DNAH7: variants seen among roughly 807,000 people sequenced by gnomAD.
The protein encoded by DNAH7 is dynein axonemal heavy chain 7.
DNAH7 carries 397 observed loss-of-function variants against 444.6 expected under a neutral mutation model. The observed-to-expected ratio is 0.89, with a 90% CI of 0.82 to 0.97. DNAH7 has a LOEUF of 0.97. Among genes scored for constraint, DNAH7 ranks in the 50% least tolerant of loss-of-function variants. DNAH7 has a pLI of 0.00. For missense variants in DNAH7, 4,902 were observed against 4,800.8 expected (o/e 1.02, Z -0.62); for synonymous variants, 1,636 against 1,624.4 (o/e 1.01, Z -0.17).
chr2:195,822,094 G>T (rs972729799), intron 49 of DNAH7, among the ~76,000 whole-genome samples: 1 of 152,096 alleles, frequency 6.6e-6, no homozygotes, highest in African/African-American at 2.4e-5. Context: ...TATGAGATAA[G>T]CAATTTTTAA....
At chr2:195,859,069 GAATA>G (rs990448330) in intron 42 of DNAH7, among the ~76,000 whole-genome samples, 15 of 152,128 alleles carry the variant, frequency 9.9e-5, no homozygotes, top group Non-Finnish European at 1.9e-4. Flanking sequence ...AAATTCAAAA[GAATA>G]AATACACTGG....
In DNAH7 at chr2:195,855,878, T is replaced by A; in HGVS notation, c.8528A>T (p.Asp2843Val). 6.2e-7 allele frequency: 1 copy of A among 1,614,112 alleles called. No individual in the cohort carries two copies. Among genetic ancestry groups the A allele is most frequent in the Non-Finnish European group, 8.5e-7 (1 of 1,179,968 alleles). Reference sequence around the variant, plus strand: ...TGTGTCTTGAAGCCTGGCCAGCTTGTCCTGAACTTCCTTAAGGGCTGCCTG... The same window carrying A: ...TGTGTCTTGAAGCCTGGCCAGCTTGACCTGAACTTCCTTAAGGGCTGCCTG... ...KKQAALKEVQ[D>V]KLARLQDTLE... Residue 2843 changes from aspartate (D) to valine (V), a missense_variant, in exon 45 of 65, where the codon GAC becomes GTC. Physicochemically the swap from Asp to Val is radical, Grantham distance 152 (BLOSUM62 -3). Transcript: ENST00000312428.
In DNAH7 at chr2:195,864,724, TG is replaced by T. The variant is rs780294543; in HGVS notation, c.6930del (p.Met2311Ter). The T allele has an allele frequency of 1.9e-6, 3 of 1,614,104 alleles. No homozygotes were observed. In the African/African-American group the frequency reaches 4.0e-5, roughly 22 times the overall value. Reference protein sequence around the residue: ...LEEYNNISKKPMNLVLFRFAI... With the variant: ...LEEYNNISKKXMNLVLFRFAI... ...GCAAATCGAAACAAGACAAGGTTCA[TG>T]GGTTTTTTGCTTATATTGTTGTATT... On this transcript the variant is annotated frameshift_variant, in exon 41 of 65. Coordinates refer to ENST00000312428, the MANE Select transcript of DNAH7 (RefSeq NM_018897.3). LOFTEE classifies it high-confidence loss of function.
Position 195,861,944 on chromosome 2 carries a change from T to C in DNAH7, c.7509A>G (p.Ser2503=), listed in dbSNP as rs767765202. ...VNCCTIDWFQ[S]WPEDALQAVA... ...CTGCCTGGAGTGCATCTTCAGGCCA[T>C]GACTAAATGTAAGATAAATGCTTTA... Residue 2503 remains serine (S), a splice_region_variant and synonymous_variant, in exon 42 of 65, where the codon TCA becomes TCG. Coordinates refer to ENST00000312428, the MANE Select transcript of DNAH7 (RefSeq NM_018897.3). 6 of 1,609,054 alleles carry C rather than the reference T, an allele frequency of 3.7e-6. No homozygotes were observed. The Admixed American group carries it at 6.7e-5, about 18-fold the overall frequency.
intron 22 of DNAH7, among the ~76,000 whole-genome samples, chr2:195,924,215 G>A (rs1391572746): frequency 2.6e-5 from 4 of 152,102 alleles, no homozygotes; most frequent in Non-Finnish European, 4.4e-5. Context: ...GGTAGGCTGT[G>A]GATATGCCAA....
At position 195,982,985 on chromosome 2, in the gene DNAH7, G is replaced by C. The variant is rs548629063; in HGVS notation, c.1833+1647C>G. Reference sequence around the variant, plus strand: ...TGAAATAGCTAAAAGTATGTAATTGGATTGTCTGAAACACAAAGGATAAAT... The same window carrying C: ...TGAAATAGCTAAAAGTATGTAATTGCATTGTCTGAAACACAAAGGATAAAT... On this transcript the variant is annotated intron_variant, in intron 15 of 64. Coordinates refer to ENST00000312428, the MANE Select transcript of DNAH7 (RefSeq NM_018897.3). Among the ~76,000 whole-genome samples, 29 of 152,212 alleles carry C rather than the reference G, an allele frequency of 1.9e-4. No homozygotes were observed. In the East Asian group the frequency reaches 5.6e-3, roughly 29 times the overall value.
chr2:195,833,591 C>A (rs549138438), intron 48 of DNAH7, among the ~76,000 whole-genome samples: 3 of 152,134 alleles, frequency 2.0e-5, no homozygotes, highest in African/African-American at 7.2e-5. Context: ...GACTAATAAC[C>A]CCAATTTACT....
At chr2:195,950,879 A>AAAC (rs1559262968) in intron 19 of DNAH7, among the ~76,000 whole-genome samples, 1 of 145,182 alleles carries the variant, frequency 6.9e-6, no homozygotes, top group East Asian at 2.0e-4. Flanking sequence ...AAAAAAAAAA[A>AAAC]CCCAGCTCCT....
chr2:196,024,997 A>G (rs1209266154), intron 7 of DNAH7, among the ~76,000 whole-genome samples: 6 of 152,238 alleles, frequency 3.9e-5, no homozygotes, highest in African/African-American at 1.4e-4. Flanking sequence ...AAATAAAAAT[A>G]TACAGTGTAA....
At chr2:195,829,551 C>T (rs983586405) in intron 48 of DNAH7, among the ~76,000 whole-genome samples, 7 of 151,982 alleles carry the variant, frequency 4.6e-5, no homozygotes, top group Admixed American at 2.0e-4. Context: ...AACCAAAATT[C>T]TGTTTAAGGA....
At chr2:195,994,303 A>T (rs1693549466) in intron 12 of DNAH7, 1 of 494,010 alleles carries the variant, frequency 2.0e-6, no homozygotes, top group African/African-American at 2.0e-5. Context: ...TCAGCATCAA[A>T]GATATCACTG....
At chr2:195,835,956 A>G (rs1295666099) in intron 47 of DNAH7, among the ~76,000 whole-genome samples, 4 of 152,238 alleles carry the variant, frequency 2.6e-5, no homozygotes, top group African/African-American at 9.6e-5. Flanking sequence ...CCATAACAGT[A>G]TACCACTGAC....
At chr2:195,859,713 C>T (rs1699910024) in intron 42 of DNAH7, among the ~76,000 whole-genome samples, 1 of 151,994 alleles carries the variant, frequency 6.6e-6, no homozygotes, top group Admixed American at 6.6e-5. Flanking sequence ...TGTCAAATTC[C>T]CTGAGTGTGC....
In DNAH7 at chr2:195,737,931, A is replaced by G; in HGVS notation, c.12065T>C (p.Leu4022Pro). The G allele has an allele frequency of 2.5e-6, 4 of 1,613,934 alleles. No individual in the cohort carries two copies. The highest frequency in any genetic ancestry group is 2.5e-6 in the Non-Finnish European group (3 of 1,179,792). ...AATGATGTCTTCTGGTTATGAATTA[A>G]GTTGACATAACAGTGCTACACCTCG... is the stretch of plus-strand genomic sequence containing the variant. ...IGRGVALLCQ[L>P]NS The change falls in exon 65 of 65, where the codon CTT becomes CCT. Residue 4022 changes from leucine to proline, a missense_variant. Leu to Pro is a moderately conservative substitution (Grantham distance 98, BLOSUM62 -3). Transcript: ENST00000312428.
At chr2:195,831,939 T>A (rs191483738) in intron 48 of DNAH7, among the ~76,000 whole-genome samples, 63 of 152,338 alleles carry the variant, frequency 4.1e-4, no homozygotes, top group Admixed American at 2.2e-3. Flanking sequence ...CTCACTTACC[T>A]TGTTAATAAA....
chr2:195,828,993 G>C (rs1029620419), intron 48 of DNAH7, among the ~76,000 whole-genome samples: 1 of 152,124 alleles, frequency 6.6e-6, no homozygotes, highest in Non-Finnish European at 1.5e-5. Context: ...ATTTCTGAAA[G>C]TTTACATCTT....
chr2:196,027,664 T>C (rs1348660593), intron 6 of DNAH7, among the ~76,000 whole-genome samples: 2 of 152,082 alleles, frequency 1.3e-5, no homozygotes, highest in African/African-American at 4.8e-5. Flanking sequence ...TATATAATTA[T>C]TATAGGATAA....
rs140137663 is a variant in DNAH7, at chr2:195,803,611, T to G, written c.10176+3129A>C. ...AAATGAAATCTGTCAGTAACAAAAC[T>G]TACAGACTAATTTAGGCAACCATTC... is the stretch of plus-strand genomic sequence containing the variant. On this transcript the variant is annotated intron_variant, in intron 54 of 64. Transcript: ENST00000312428. Among the ~76,000 whole-genome samples the G allele has an allele frequency of 4.8e-3, 729 of 152,328 alleles. 3 individuals carry two copies. The highest frequency in any genetic ancestry group is 8.5e-3 in the Non-Finnish European group (576 of 68,028).
At chr2:195,936,202 T>G (rs1689040213) in intron 20 of DNAH7, among the ~76,000 whole-genome samples, 2 of 151,986 alleles carry the variant, frequency 1.3e-5, no homozygotes, top group African/African-American at 4.8e-5. Flanking sequence ...GGTGAAACCC[T>G]GTCCCTACTA....
Sources: gnomAD v4.1 joint callset for allele counts (sites outside exome capture counted in the v4.1 genomes callset) on GRCh38, gnomAD v4.1.1 for gene constraint, MANE v1.5 for transcripts, NCBI Gene and HGNC (gene_info 2026-07-23, HGNC 2026-07-21) for gene names.